FNBP1: variants seen among roughly 807,000 people sequenced by gnomAD.
The protein encoded by FNBP1 is formin binding protein 1.
FNBP1 carries 26 observed loss-of-function variants against 90.6 expected under a neutral mutation model. The observed-to-expected ratio is 0.29, with a 90% CI of 0.21 to 0.40. FNBP1 has a LOEUF of 0.40. Ranked by LOEUF, FNBP1 falls within the 10% of genes least tolerant of loss-of-function variation. The probability of loss-of-function intolerance (pLI) is 1.00; values close to 1 mark genes in which losing one functional copy is unlikely to be tolerated. For missense variants in FNBP1, 635 were observed against 768.0 expected, an observed-to-expected ratio of 0.83 and a Z score of 2.05; for synonymous variants, 260 against 265.2, an observed-to-expected ratio of 0.98 and a Z score of 0.19.
At chr9:129,941,603 C>T (rs543962163) in intron 6 of FNBP1, among the ~76,000 whole-genome samples, 29 of 152,164 alleles carry the variant, frequency 1.9e-4, no homozygotes, top group African/African-American at 5.3e-4. Context: ...GTAGATGGGA[C>T]GACAGGCACA....
intron 1 of FNBP1, among the ~76,000 whole-genome samples, chr9:130,021,150 A>T (rs1264682274): frequency 1.3e-5 from 2 of 152,240 alleles, no homozygotes; most frequent in Non-Finnish European, 2.9e-5. Context: ...ATGACACATT[A>T]GTAGAGCAGT....
At chr9:129,985,208 A>G (rs1359378487) in intron 2 of FNBP1, among the ~76,000 whole-genome samples, 4 of 152,116 alleles carry the variant, frequency 2.6e-5, no homozygotes, top group South Asian at 2.1e-4. Flanking sequence ...AATGGAACGA[A>G]GTGTGGCAAG....
chr9:129,968,681 C>T (rs1238586165), intron 4 of FNBP1, among the ~76,000 whole-genome samples: 2 of 152,166 alleles, frequency 1.3e-5, no homozygotes, highest in African/African-American at 4.8e-5. Context: ...TCAAACATTT[C>T]AGAAACCTCG....
chr9:130,027,501 A>G (rs1447751135), intron 1 of FNBP1, among the ~76,000 whole-genome samples: 1 of 152,230 alleles, frequency 6.6e-6, no homozygotes, highest in Non-Finnish European at 1.5e-5. Context: ...GGGTAGTGTT[A>G]ATACTATCTA....
At position 129,890,493 on chromosome 9, in the gene FNBP1, G is replaced by A. The variant is rs1350944670; in HGVS notation, c.*46C>T. On this transcript the variant is annotated 3_prime_UTR_variant, in exon 17 of 17. Transcript: ENST00000446176. The surrounding 1 kb of genome is among the most constrained non-coding windows in gnomAD (Gnocchi z 5.8). Reference sequence around the variant, plus strand: ...GGAGGCCTGTGGGAACAAGCAGACGGAGGCTCCTCCAGGAAGGCTCACCCG... The same window carrying A: ...GGAGGCCTGTGGGAACAAGCAGACGAAGGCTCCTCCAGGAAGGCTCACCCG... 2.6e-6 allele frequency: 4 copies of A among 1,550,434 alleles called. No homozygotes were observed. The highest frequency in any genetic ancestry group is 3.5e-6 in the Non-Finnish European group (4 of 1,138,316).
chr9:129,939,804 G>A (rs551874118), intron 6 of FNBP1, among the ~76,000 whole-genome samples: 36 of 152,234 alleles, frequency 2.4e-4, no homozygotes, highest in African/African-American at 7.9e-4. Flanking sequence ...ATACAAAAAA[G>A]GTAGTAATAA....
chr9:129,908,741 C>T (rs1000409760), intron 12 of FNBP1, 149 bp downstream of exon 12: 9 of 549,556 alleles, frequency 1.6e-5, no homozygotes, highest in Middle Eastern at 3.5e-4. Context: ...TTAGTAGAGA[C>T]GGGGTTTCAC....
Position 129,963,873 on chromosome 9 carries a change from C to T in FNBP1, c.346-5320G>A, listed in dbSNP as rs143143902. Among the ~76,000 whole-genome samples, 168 of 152,210 alleles carry T rather than the reference C, an allele frequency of 1.1e-3. 2 individuals are homozygous for T. The East Asian group carries it at 0.013, about 12-fold the overall frequency. The stretch of plus-strand genomic sequence containing the variant: ...CAAGTGATATGCCTGCCTCAGACTC[C>T]GAAAGTGCTGGGATTACAGGCATGA... On this transcript the variant is annotated intron_variant, in intron 4 of 16. Coordinates refer to ENST00000446176, the MANE Select transcript of FNBP1 (RefSeq NM_015033.3).
At chr9:130,033,321 G>A (rs2058975179) in intron 1 of FNBP1, among the ~76,000 whole-genome samples, 1 of 152,126 alleles carries the variant, frequency 6.6e-6, no homozygotes, top group Non-Finnish European at 1.5e-5. Flanking sequence ...GGCAACCCAG[G>A]CTGAGCCCTC....
intron 6 of FNBP1, among the ~76,000 whole-genome samples, chr9:129,956,958 C>T (rs1588863631): frequency 6.6e-6 from 1 of 151,876 alleles, no homozygotes; most frequent in African/African-American, 2.4e-5. Flanking sequence ...TTTGTGGCTA[C>T]ATTAGAAATG....
chr9:130,020,840 C>G (rs978391082), intron 1 of FNBP1, among the ~76,000 whole-genome samples: 1 of 152,088 alleles, frequency 6.6e-6, no homozygotes, highest in Non-Finnish European at 1.5e-5. Flanking sequence ...TTCAGGCCTT[C>G]GTTCCCATTG....
At chr9:129,905,879 C>CTTTTTTTTTTTTTTTTTTTTT (rs35439760) in intron 12 of FNBP1, among the ~76,000 whole-genome samples, 1 of 145,394 alleles carries the variant, frequency 6.9e-6, no homozygotes, top group Non-Finnish European at 1.5e-5. Context: ...AGGCATATTT[C>CTTTTTTTTTTTTTTTTTTTTT]TTTTTTTTTT....
Position 130,042,035 on chromosome 9 carries a change from C to T in FNBP1, c.24+917G>A, listed in dbSNP as rs1012924573. 3.3e-5 allele frequency among the ~76,000 whole-genome samples: 5 copies of T among 152,094 alleles called. No homozygotes were observed. The South Asian group carries it at 1.0e-3, about 32-fold the overall frequency. The stretch of plus-strand genomic sequence containing the variant: ...CTTCCCGGGCCGCCGCACTGCCCAT[C>T]CCCTGCCCAGTGATTTCCCCAGGAA... On this transcript the variant is annotated intron_variant, in intron 1 of 16. Coordinates refer to ENST00000446176, the MANE Select transcript of FNBP1 (RefSeq NM_015033.3). The surrounding 1 kb of genome is among the most constrained non-coding windows in gnomAD (Gnocchi z 5.5).
intron 7 of FNBP1, among the ~76,000 whole-genome samples, chr9:129,928,518 A>G (rs772436728): frequency 1.3e-5 from 2 of 152,084 alleles, no homozygotes; most frequent in Non-Finnish European, 2.9e-5. Context: ...AAAGGTAGCC[A>G]GGTATGGTGG....
intron 6 of FNBP1, among the ~76,000 whole-genome samples, chr9:129,929,921 G>A (rs533708436): frequency 2.0e-5 from 3 of 152,116 alleles, no homozygotes; most frequent in African/African-American, 4.8e-5. Context: ...TTAACGTGGC[G>A]TGTACCTTCT....
chr9:129,893,783 GCA>G (rs1329975423), intron 16 of FNBP1, among the ~76,000 whole-genome samples: 1 of 151,660 alleles, frequency 6.6e-6, no homozygotes, highest in East Asian at 1.9e-4. Context: ...GGGCATGGTG[GCA>G]CACGCCTGTA....
At chr9:129,913,777 G>GA (rs942827278) in intron 11 of FNBP1, among the ~76,000 whole-genome samples, 9 of 150,334 alleles carry the variant, frequency 6.0e-5, no homozygotes, top group Admixed American at 3.3e-4. Flanking sequence ...TCTCCTAAAA[G>GA]AAAAAAAAAT....
At chr9:129,940,422 T>C (rs976749469) in intron 6 of FNBP1, among the ~76,000 whole-genome samples, 1 of 152,048 alleles carries the variant, frequency 6.6e-6, no homozygotes, top group African/African-American at 2.4e-5. Flanking sequence ...ATAGAATAAT[T>C]TGAAGAGACT....
chr9:129,975,696 G>A (rs2050191896), intron 4 of FNBP1, among the ~76,000 whole-genome samples: 2 of 152,102 alleles, frequency 1.3e-5, no homozygotes, highest in East Asian at 3.9e-4. Context: ...GAGGTCAGGA[G>A]TGCGAGACCA....
Sources: allele counts gnomAD v4.1 joint callset (sites outside exome capture counted in the v4.1 genomes callset), GRCh38; gene constraint gnomAD v4.1.1; non-coding constraint Gnocchi (gnomAD v3.1); transcripts MANE v1.5; gene names NCBI Gene and HGNC (gene_info 2026-07-23, HGNC 2026-07-21).